The following EHMT1 variants were observed in gnomAD, a reference collection of about 807,000 sequenced individuals.
EHMT1 encodes the protein euchromatic histone lysine methyltransferase 1.
Under a neutral mutation model 147.2 loss-of-function variants are expected in EHMT1, and 15 were observed. That is an observed-to-expected ratio of 0.10 (90% confidence interval 0.07 to 0.16). The LOEUF is 0.16. Among genes scored for constraint, EHMT1 ranks in the 10% least tolerant of loss-of-function variants. The pLI, the probability that EHMT1 is intolerant of heterozygous loss-of-function variation, is 1.00. For synonymous variants in EHMT1, 795 were observed against 709.6 expected (o/e 1.12, Z -1.91); for missense variants, 1,587 against 1,772.4 (o/e 0.90, Z 1.88).
Position 137,835,144 on chromosome 9 carries a change from C to T in EHMT1, c.*191C>T. On this transcript the variant is annotated 3_prime_UTR_variant, in exon 27 of 27. Coordinates refer to ENST00000460843, the MANE Select transcript of EHMT1 (RefSeq NM_024757.5). ...GATGCCTCCCAGCCACCTTCCCAGA[C>T]CTGCGGCCTCACCGCGGGCCCAGTG... 1.0e-5 allele frequency: 6 copies of T among 592,230 alleles called. No homozygotes were observed. The highest frequency in any genetic ancestry group is 1.3e-5 in the Non-Finnish European group (5 of 388,654). 36.7% of individuals were successfully genotyped at this position (592,230 alleles called of 1,614,324 possible).
intron 1 of EHMT1, among the ~76,000 whole-genome samples, chr9:137,623,003 G>A (rs1843028608): frequency 6.6e-6 from 1 of 151,476 alleles, no homozygotes; most frequent in Non-Finnish European, 1.5e-5. Context: ...GAGGTCAGGA[G>A]ATCGAGACCA....
intron 1 of EHMT1, among the ~76,000 whole-genome samples, chr9:137,655,538 T>C (rs1938350605): frequency 6.6e-6 from 1 of 152,184 alleles, no homozygotes; most frequent in Non-Finnish European, 1.5e-5. Context: ...ATAATTACCA[T>C]TTACATGAAG....
intron 6 of EHMT1, chr9:137,745,808 A>T (rs1948499130): frequency 2.9e-6 from 1 of 339,522 alleles, no homozygotes; most frequent in African/African-American, 2.1e-5. Flanking sequence ...TGATGTCACC[A>T]GGCCACCTCT....
At chr9:137,701,010 C>T (rs1386852844) in intron 1 of EHMT1, among the ~76,000 whole-genome samples, 2 of 152,148 alleles carry the variant, frequency 1.3e-5, no homozygotes, top group Admixed American at 1.3e-4. Context: ...GAGAAGCAGG[C>T]ATATTTTCAC....
chr9:137,669,823 T>TAGTAA (rs1940336418), intron 1 of EHMT1, among the ~76,000 whole-genome samples: 1 of 152,118 alleles, frequency 6.6e-6, no homozygotes, highest in Non-Finnish European at 1.5e-5. Flanking sequence ...AAAGCGCTGA[T>TAGTAA]ATTACAGGTG....
rs1952098400 is a variant in EHMT1, at chr9:137,787,704, G to A, written c.2383-3144G>A. 1.4e-6 allele frequency: 1 copy of A among 701,900 alleles called. No homozygotes were observed. Among genetic ancestry groups the A allele is most frequent in the Non-Finnish European group, 2.5e-6 (1 of 399,658 alleles). The allele number at this position is 701,900 out of a possible 1,614,324, so 43.5% of individuals were successfully genotyped here. On this transcript the variant is annotated intron_variant, in intron 15 of 26. Transcript: ENST00000460843. The surrounding 1 kb of genome is among the most constrained non-coding windows in gnomAD (Gnocchi z 4.2). ...GGGAGAGCAGCCCGCCTGGGCCAGGGGCCGCCAGGTCCCCAGGGTGCCACC... is the reference window on the plus strand; with the variant it reads ...GGGAGAGCAGCCCGCCTGGGCCAGGAGCCGCCAGGTCCCCAGGGTGCCACC...
intron 3 of EHMT1, 156 bp downstream of exon 3, chr9:137,717,338 T>C: frequency 1.0e-6 from 1 of 978,736 alleles, no homozygotes; most frequent in East Asian, 2.6e-5. Flanking sequence ...AGCAGTGGCT[T>C]ACAGCTGTTA....
intron 3 of EHMT1, among the ~76,000 whole-genome samples, chr9:137,720,890 G>A (rs1353745976): frequency 6.6e-6 from 1 of 152,070 alleles, no homozygotes; most frequent in East Asian, 1.9e-4. Flanking sequence ...TAATCACTGG[G>A]TTCTATGGCC....
intron 1 of EHMT1, among the ~76,000 whole-genome samples, chr9:137,638,936 T>A (rs1417306269): frequency 1.3e-5 from 2 of 152,240 alleles, no homozygotes; most frequent in Non-Finnish European, 2.9e-5. Context: ...CAAGGCCTAC[T>A]GACACCTTCA....
At chr9:137,636,139 C>T (rs1358328226) in intron 1 of EHMT1, among the ~76,000 whole-genome samples, 1 of 152,086 alleles carries the variant, frequency 6.6e-6, no homozygotes, top group African/African-American at 2.4e-5. Context: ...CCAGGCTGAT[C>T]TTGAACTCCT....
intron 25 of EHMT1, chr9:137,820,133 C>G (rs1438351118): frequency 6.6e-6 from 1 of 152,214 alleles, no homozygotes; most frequent in African/African-American, 2.4e-5. Flanking sequence ...CTGCCAACCT[C>G]AACCCCAGGC....
intron 13 of EHMT1, among the ~76,000 whole-genome samples, chr9:137,778,852 C>T (rs1951161789): frequency 6.6e-6 from 1 of 152,200 alleles, no homozygotes; most frequent in Non-Finnish European, 1.5e-5. Context: ...AAGCATGGTG[C>T]TGGCATCTGC....
At chr9:137,701,955 A>G (rs971061460) in intron 1 of EHMT1, among the ~76,000 whole-genome samples, 1 of 152,006 alleles carries the variant, frequency 6.6e-6, no homozygotes, top group African/African-American at 2.4e-5. Context: ...CACCATGTCC[A>G]TTTAATTTTT....
At chr9:137,699,039 G>A (rs1194117425) in intron 1 of EHMT1, among the ~76,000 whole-genome samples, 2 of 152,226 alleles carry the variant, frequency 1.3e-5, no homozygotes, top group African/African-American at 4.8e-5. Context: ...TTCTTCGCCT[G>A]TGGGGGATGG....
Position 137,716,627 on chromosome 9 carries a change from G to GAC in EHMT1, c.90_91dup (p.Pro31HisfsTer59). 1 of 1,552,660 alleles carries GAC rather than the reference G, an allele frequency of 6.4e-7. No individual in the cohort carries two copies. Among genetic ancestry groups the GAC allele is most frequent in the South Asian group, 1.2e-5 (1 of 81,452 alleles). ...TGACACTCGTTTCTTTGTTGGCAGA[G>GAC]ACACCTATGGCTGCCGATGAAGGCT... On this transcript the variant is annotated frameshift_variant and splice_region_variant, in exon 3 of 27. Coordinates refer to ENST00000460843, the MANE Select transcript of EHMT1 (RefSeq NM_024757.5). LOFTEE classifies it high-confidence loss of function.
chr9:137,781,074 T>TGACGCCGAGAC (rs1564748252), intron 14 of EHMT1, among the ~76,000 whole-genome samples: 2 of 13,462 alleles, frequency 1.5e-4, no homozygotes, highest in African/African-American at 3.5e-4. Context: ...GACGCCGGGA[T>TGACGCCGAGAC]GTGTGGTGAT....
intron 4 of EHMT1, among the ~76,000 whole-genome samples, chr9:137,729,109 C>T (rs1374297818): frequency 6.6e-6 from 1 of 152,082 alleles, no homozygotes; most frequent in Non-Finnish European, 1.5e-5. Flanking sequence ...GCTTTCAAAC[C>T]TCCTCAGCTT....
intron 25 of EHMT1, among the ~76,000 whole-genome samples, chr9:137,820,743 C>T (rs944965160): frequency 6.6e-6 from 1 of 152,222 alleles, no homozygotes; most frequent in African/African-American, 2.4e-5. Flanking sequence ...CCCCAGTCAG[C>T]AGTGTGGCTC....
chr9:137,643,142 C>G (rs12346297), intron 1 of EHMT1, among the ~76,000 whole-genome samples: 3,195 of 152,036 alleles, frequency 0.021, 111 homozygotes, highest in African/African-American at 0.067. Flanking sequence ...CTTGAGTCTT[C>G]CAAGGTGTTG....
Sources: allele counts gnomAD v4.1 joint callset (sites outside exome capture counted in the v4.1 genomes callset), GRCh38; gene constraint gnomAD v4.1.1; non-coding constraint Gnocchi (gnomAD v3.1); transcripts MANE v1.5; gene names NCBI Gene and HGNC (gene_info 2026-07-23, HGNC 2026-07-21).